The following PPM1H variants were observed in gnomAD, a reference collection of about 807,000 sequenced individuals.
The protein encoded by PPM1H is protein phosphatase 1H.
In PPM1H, 27 loss-of-function variants were observed where a neutral mutation model predicts 54.9. That is an observed-to-expected ratio of 0.49 (90% CI 0.36 to 0.68). The LOEUF is 0.68. Among genes scored for constraint, PPM1H ranks in the 30% least tolerant of loss-of-function variants. PPM1H has a pLI of 0.00. For synonymous variants in PPM1H, 305 were observed against 270.8 expected (o/e 1.13, Z -1.24); for missense variants, 596 against 667.8 (o/e 0.89, Z 1.19).
At chr12:62,713,850 T>C (rs926680870) in intron 6 of PPM1H, among the ~76,000 whole-genome samples, 2 of 152,026 alleles carry the variant, frequency 1.3e-5, no homozygotes, top group Non-Finnish European at 2.9e-5. Flanking sequence ...ACACCTGTAG[T>C]ACCAGCTACT....
intron 1 of PPM1H, among the ~76,000 whole-genome samples, chr12:62,836,359 A>C (rs1864250192): frequency 6.6e-6 from 1 of 152,248 alleles, no homozygotes. Context: ...GACAGAAATC[A>C]ACTCTGCTAC....
At chr12:62,803,240 T>G (rs531357904) in intron 2 of PPM1H, among the ~76,000 whole-genome samples, 8 of 152,342 alleles carry the variant, frequency 5.3e-5, no homozygotes, top group African/African-American at 1.9e-4. Flanking sequence ...TTCCCTCATC[T>G]ACGTTGGGTT....
chr12:62,657,345 T>C (rs2075850377), intron 9 of PPM1H, among the ~76,000 whole-genome samples: 1 of 152,192 alleles, frequency 6.6e-6, no homozygotes, highest in South Asian at 2.1e-4. Flanking sequence ...CAATCCTCCC[T>C]GGGAAGCCCT....
intron 8 of PPM1H, among the ~76,000 whole-genome samples, chr12:62,671,035 A>G (rs2075953686): frequency 6.6e-6 from 1 of 152,136 alleles, no homozygotes; most frequent in East Asian, 1.9e-4. Flanking sequence ...CCAGCAGCAA[A>G]GGCTTCAAAG....
intron 2 of PPM1H, among the ~76,000 whole-genome samples, chr12:62,821,136 G>T (rs1033575850): frequency 6.6e-6 from 1 of 152,136 alleles, no homozygotes; most frequent in Non-Finnish European, 1.5e-5. Context: ...CACAAGCTTC[G>T]ATAGCCAATT....
chr12:62,757,605 C>T (rs2076484078), intron 4 of PPM1H, among the ~76,000 whole-genome samples: 1 of 152,300 alleles, frequency 6.6e-6, no homozygotes, highest in South Asian at 2.1e-4. Flanking sequence ...CATAGATCTA[C>T]TATTTTCAAG....
intron 1 of PPM1H, among the ~76,000 whole-genome samples, chr12:62,890,970 G>A (rs1010180902): frequency 1.3e-5 from 2 of 151,754 alleles, no homozygotes; most frequent in African/African-American, 4.8e-5. Flanking sequence ...TTAGCCGGGC[G>A]TGGTGGTGGG....
At chr12:62,712,931 C>T (rs962513055) in intron 6 of PPM1H, among the ~76,000 whole-genome samples, 2 of 152,196 alleles carry the variant, frequency 1.3e-5, no homozygotes, top group Non-Finnish European at 2.9e-5. Flanking sequence ...TAAATGCGGG[C>T]GCAGCTCTGG....
chr12:62,737,226 A>AAC lies in PPM1H; in HGVS notation c.954+275_954+276insGT, dbSNP rs1555192969. On this transcript the variant is annotated intron_variant, in intron 5 of 9. Transcript: ENST00000228705. The stretch of plus-strand genomic sequence containing the variant: ...GTACATAAGAAGCCATTAAAAAAAA[A>AAC]AAAAAACAAAAAAAACAAAACCAGA... 6.6e-4 allele frequency among the ~76,000 whole-genome samples: 100 copies of AAC among 151,320 alleles called. 1 individual carries two copies. The highest frequency in any genetic ancestry group is 3.4e-3 in the Middle Eastern group (1 of 292).
intron 2 of PPM1H, among the ~76,000 whole-genome samples, chr12:62,831,747 A>T (rs561231991): frequency 5.4e-5 from 8 of 149,084 alleles, no homozygotes; most frequent in Non-Finnish European, 1.2e-4. Context: ...GTGTATACGT[A>T]TATATATTCG....
At chr12:62,903,426 C>G (rs944653864) in intron 1 of PPM1H, among the ~76,000 whole-genome samples, 1 of 152,146 alleles carries the variant, frequency 6.6e-6, no homozygotes, top group Admixed American at 6.5e-5. Flanking sequence ...ACCCGCGATG[C>G]AATCTCATCC....
chr12:62,644,150 A>G lies in PPM1H; in HGVS notation c.*4339T>C, dbSNP rs1425730580. The G allele has an allele frequency of 6.6e-6, 1 of 152,218 alleles. No homozygotes were observed. Among genetic ancestry groups the G allele is most frequent in the Non-Finnish European group, 1.5e-5 (1 of 68,036 alleles). 9.4% of individuals were successfully genotyped at this position (152,218 alleles called of 1,614,324 possible). A position where few individuals can be genotyped will look rare whatever the true frequency, so the allele number is the denominator to read the frequency against. On this transcript the variant is annotated 3_prime_UTR_variant, in exon 10 of 10. Coordinates refer to ENST00000228705, the MANE Select transcript of PPM1H (RefSeq NM_020700.2). ...TTCATTTTGGGGTTACAAAAAAGTC[A>G]ATGTTTCACAATCACAAAGCATAAA...
intron 4 of PPM1H, among the ~76,000 whole-genome samples, chr12:62,762,919 G>T (rs1225012927): frequency 1.3e-5 from 2 of 152,194 alleles, no homozygotes; most frequent in African/African-American, 4.8e-5. Flanking sequence ...AGGCTGAAAT[G>T]CCTTTGGACC....
intron 8 of PPM1H, among the ~76,000 whole-genome samples, chr12:62,680,380 C>T (rs1475690072): frequency 1.3e-5 from 2 of 151,124 alleles, no homozygotes; most frequent in African/African-American, 4.9e-5. Flanking sequence ...TGGGGTATCA[C>T]CTATGTTGCT....
chr12:62,842,797 T>C (rs575502652), intron 1 of PPM1H, among the ~76,000 whole-genome samples: 1 of 151,960 alleles, frequency 6.6e-6, no homozygotes, highest in Non-Finnish European at 1.5e-5. Context: ...GGTAGACAGG[T>C]TTTTTCTCTG....
chr12:62,855,409 A>C (rs528957504), intron 1 of PPM1H, among the ~76,000 whole-genome samples: 1 of 152,296 alleles, frequency 6.6e-6, no homozygotes, highest in South Asian at 2.1e-4. Context: ...ACACACGCAG[A>C]ACCCAGAGAG....
At chr12:62,798,928 G>C (rs2076751049) in intron 3 of PPM1H, among the ~76,000 whole-genome samples, 1 of 152,090 alleles carries the variant, frequency 6.6e-6, no homozygotes, top group Non-Finnish European at 1.5e-5. Context: ...CTCTTTACCA[G>C]ACTCCTGCAT....
intron 4 of PPM1H, among the ~76,000 whole-genome samples, chr12:62,787,662 A>T (rs763289452): frequency 2.0e-5 from 3 of 152,180 alleles, no homozygotes; most frequent in Non-Finnish European, 2.9e-5. Flanking sequence ...TCTAATTTTT[A>T]AAAAATAAAT....
At chr12:62,867,562 C>CTTTTTTTTTTTTTTTTT (rs1481926545) in intron 1 of PPM1H, among the ~76,000 whole-genome samples, 1 of 101,880 alleles carries the variant, frequency 9.8e-6, no homozygotes, top group African/African-American at 4.5e-5. Context: ...CTTATGAGCA[C>CTTTTTTTTTTTTTTTTT]TATTTTTTTT....
Sources: gnomAD v4.1 joint callset for allele counts (sites outside exome capture counted in the v4.1 genomes callset) on GRCh38, gnomAD v4.1.1 for gene constraint, MANE v1.5 for transcripts, NCBI Gene and HGNC (gene_info 2026-07-23, HGNC 2026-07-21) for gene names.